The following C1orf21 variants were observed in gnomAD, a reference collection of about 807,000 sequenced individuals.
C1orf21 encodes uncharacterized protein C1orf21.
In C1orf21, 3 loss-of-function variants were observed where a neutral mutation model predicts 18.7. The observed-to-expected ratio is 0.16, with a 90% CI of 0.07 to 0.42. The LOEUF is 0.42. Ranked by LOEUF, C1orf21 falls within the 10% of genes least tolerant of loss-of-function variation. The probability of loss-of-function intolerance (pLI) is 0.99; values close to 1 mark genes in which losing one functional copy is unlikely to be tolerated. For synonymous variants in C1orf21, 41 were observed against 46.4 expected (o/e 0.88, Z 0.47); for missense variants, 104 against 143.6 (o/e 0.72, Z 1.41).
chr1:184,563,419 A>T (rs1658992751), intron 3 of C1orf21, among the ~76,000 whole-genome samples: 1 of 152,240 alleles, frequency 6.6e-6, no homozygotes, highest in African/African-American at 2.4e-5. Flanking sequence ...TTTAATTAAA[A>T]ATTACAAGCT....
intron 3 of C1orf21, among the ~76,000 whole-genome samples, chr1:184,583,954 G>A (rs77954348): frequency 3.4e-4 from 52 of 152,064 alleles, no homozygotes; most frequent in African/African-American, 4.6e-4. Context: ...CTGTCATCTC[G>A]CAATTTATTC....
At chr1:184,431,909 C>G (rs1656772036) in intron 1 of C1orf21, among the ~76,000 whole-genome samples, 1 of 152,110 alleles carries the variant, frequency 6.6e-6, no homozygotes, top group East Asian at 1.9e-4. Flanking sequence ...ATGCAGCAAA[C>G]AAACATGAAA....
rs544606053 is a variant in C1orf21, at chr1:184,620,391, C to T, written c.*835C>T. 2.0e-5 allele frequency: 3 copies of T among 152,552 alleles called. No individual in the cohort carries two copies. The highest frequency in any genetic ancestry group is 1.3e-4 in the Admixed American group (2 of 15,256). 9.4% of individuals were successfully genotyped at this position (152,552 alleles called of 1,614,324 possible). A position where few individuals can be genotyped will look rare whatever the true frequency, so the allele number is the denominator to read the frequency against. On this transcript the variant is annotated 3_prime_UTR_variant, in exon 6 of 6. Transcript: ENST00000235307. ...ATGATCCTGGGTGCAGAAGTTGAGC[C>T]CTCCTTTGCATTGACACTGATAATT...
At chr1:184,474,372 C>T (rs991751652) in intron 1 of C1orf21, among the ~76,000 whole-genome samples, 3 of 151,984 alleles carry the variant, frequency 2.0e-5, no homozygotes, top group Non-Finnish European at 2.9e-5. Context: ...TGCCCCTCAC[C>T]CCAATGCTTG....
chr1:184,489,925 T>C lies in C1orf21; in HGVS notation c.94+12322T>C, dbSNP rs560579093. The stretch of plus-strand genomic sequence containing the variant: ...ATTTTTCTGTGTGTCTTGAATCTTT[T>C]ATGTTTAACATTTATCATTCACTAC... On this transcript the variant is annotated intron_variant, in intron 2 of 5. Coordinates refer to ENST00000235307, the MANE Select transcript of C1orf21 (RefSeq NM_030806.4). Among the ~76,000 whole-genome samples, 4 of 152,380 alleles carry C rather than the reference T, an allele frequency of 2.6e-5. No individual in the cohort carries two copies. The South Asian group carries it at 8.3e-4, about 32-fold the overall frequency.
At chr1:184,439,849 G>A (rs911666115) in intron 1 of C1orf21, among the ~76,000 whole-genome samples, 1 of 151,952 alleles carries the variant, frequency 6.6e-6, no homozygotes, top group African/African-American at 2.4e-5. Flanking sequence ...TTACAAAGAT[G>A]GTCAAAAGAA....
intron 1 of C1orf21, among the ~76,000 whole-genome samples, chr1:184,454,249 G>C (rs1657162787): frequency 6.6e-6 from 1 of 152,150 alleles, no homozygotes; most frequent in Admixed American, 6.5e-5. Flanking sequence ...ATAGGAACTT[G>C]TTATTTTGTA....
rs1381278171 is a variant in C1orf21, at chr1:184,507,626, A to T, written c.133A>T (p.Met45Leu). The stretch of plus-strand genomic sequence containing the variant: ...CAAACCAGTGGAAGAGGTCAAATAC[A>T]TGAAAAATGGGGCAGAAGAAGAGCA... ...RIKPVEEVKY[M>L]KNGAEEEQKI... The change falls in exon 3 of 6, where the codon ATG (methionine) becomes TTG (leucine). Residue 45 changes from methionine to leucine, a missense_variant. Transcript: ENST00000235307. 1 of 1,607,398 alleles carries T rather than the reference A, an allele frequency of 6.2e-7. No homozygotes were observed. The highest frequency in any genetic ancestry group is 8.5e-7 in the Non-Finnish European group (1 of 1,177,916).
chr1:184,438,373 G>A (rs186510509), intron 1 of C1orf21, among the ~76,000 whole-genome samples: 29 of 152,296 alleles, frequency 1.9e-4, no homozygotes, highest in Non-Finnish European at 4.0e-4. Flanking sequence ...ATCACCCAGG[G>A]AAGTCCTTTG....
intron 1 of C1orf21, among the ~76,000 whole-genome samples, chr1:184,400,017 ATTT>A (rs11296231): frequency 6.7e-6 from 1 of 148,578 alleles, no homozygotes; most frequent in African/African-American, 2.4e-5. Flanking sequence ...AACCAACAAG[ATTT>A]TTTTTTTTTA....
chr1:184,418,960 A>T (rs1013986030), intron 1 of C1orf21, among the ~76,000 whole-genome samples: 8 of 152,282 alleles, frequency 5.3e-5, no homozygotes, highest in Admixed American at 4.6e-4. Context: ...TTGTGTGTGT[A>T]TATGTGTCTG....
chr1:184,596,744 G>A (rs144371545), intron 4 of C1orf21, among the ~76,000 whole-genome samples: 1,867 of 152,068 alleles, frequency 0.012, 40 homozygotes, highest in African/African-American at 0.042. Flanking sequence ...GGTGGCTCAC[G>A]CCTGCAGTCC....
At chr1:184,488,825 T>C (rs1657770658) in intron 2 of C1orf21, among the ~76,000 whole-genome samples, 1 of 152,020 alleles carries the variant, frequency 6.6e-6, no homozygotes, top group Admixed American at 6.6e-5. Context: ...ATTAGCCAGA[T>C]GTGGCAGCGT....
chr1:184,586,485 G>A (rs1249332296), intron 3 of C1orf21, among the ~76,000 whole-genome samples: 6 of 151,756 alleles, frequency 4.0e-5, no homozygotes, highest in Non-Finnish European at 7.4e-5. Flanking sequence ...GGGTTTCACC[G>A]TGTTAGCCAG....
chr1:184,597,173 AC>A (rs1172192824), intron 4 of C1orf21, among the ~76,000 whole-genome samples: 1 of 152,186 alleles, frequency 6.6e-6, no homozygotes, highest in African/African-American at 2.4e-5. Context: ...CAAAACGTTT[AC>A]CTTATTTGAA....
chr1:184,617,217 G>A (rs1302752140), intron 5 of C1orf21, among the ~76,000 whole-genome samples: 1 of 152,072 alleles, frequency 6.6e-6, no homozygotes, highest in Non-Finnish European at 1.5e-5. Flanking sequence ...GGAAACCAAA[G>A]CCCAGCAATT....
At chr1:184,450,248 G>A (rs1446719069) in intron 1 of C1orf21, among the ~76,000 whole-genome samples, 1 of 152,040 alleles carries the variant, frequency 6.6e-6, no homozygotes, top group Non-Finnish European at 1.5e-5. Context: ...TGGAGAGCAC[G>A]CCACCACACT....
chr1:184,624,259 T>C lies in C1orf21; in HGVS notation c.*4703T>C, dbSNP rs1451848927. ...CAGCTTGGTTTCCTCATGGGGAGTGTTTTATTTGGCCTCCCCTATCTGAGC... is the reference window on the plus strand; with the variant it reads ...CAGCTTGGTTTCCTCATGGGGAGTGCTTTATTTGGCCTCCCCTATCTGAGC... On this transcript the variant is annotated 3_prime_UTR_variant, in exon 6 of 6. Coordinates refer to ENST00000235307, the MANE Select transcript of C1orf21 (RefSeq NM_030806.4). 3.9e-5 allele frequency: 6 copies of C among 152,478 alleles called. No individual in the cohort carries two copies. The highest frequency in any genetic ancestry group is 8.8e-5 in the Non-Finnish European group (6 of 68,000). The allele number at this position is 152,478 out of a possible 1,614,324, so 9.4% of individuals were successfully genotyped here.
chr1:184,514,695 C>T (rs1391505459), intron 3 of C1orf21, among the ~76,000 whole-genome samples: 1 of 152,178 alleles, frequency 6.6e-6, no homozygotes, highest in Non-Finnish European at 1.5e-5. Flanking sequence ...TAGTTCACTA[C>T]AGCATTGTTT....
Sources: allele counts gnomAD v4.1 joint callset (sites outside exome capture counted in the v4.1 genomes callset), GRCh38; gene constraint gnomAD v4.1.1; transcripts MANE v1.5; gene names NCBI Gene and HGNC (gene_info 2026-07-23, HGNC 2026-07-21).